Variants in TAFA1 observed in about 807,000 individuals in gnomAD.
TAFA1 encodes TAFA chemokine like family member 1, also known as chemokine-like protein TAFA-1.
TAFA1 carries 4 observed loss-of-function variants against 18.5 expected under a neutral mutation model. That is an observed-to-expected ratio of 0.22 (90% CI 0.11 to 0.49). The LOEUF is 0.49. TAFA1 is among the 20% of genes least tolerant of loss of function. The probability of loss-of-function intolerance (pLI) is 0.98; values close to 1 mark genes in which losing one functional copy is unlikely to be tolerated. For missense variants in TAFA1, 147 were observed against 169.0 expected (o/e 0.87, Z 0.72); for synonymous variants, 56 against 55.2 (o/e 1.01, Z -0.06).
At chr3:68,300,975 T>C (rs985472587) in intron 2 of TAFA1, among the ~76,000 whole-genome samples, 5 of 152,110 alleles carry the variant, frequency 3.3e-5, no homozygotes, top group African/African-American at 7.2e-5. Flanking sequence ...TAGTTCTTAA[T>C]AGCAATATGA....
chr3:68,270,523 T>G (rs2067645118), intron 2 of TAFA1, among the ~76,000 whole-genome samples: 1 of 152,186 alleles, frequency 6.6e-6, no homozygotes, highest in South Asian at 2.1e-4. Context: ...GATTCCCCTG[T>G]CAGGGAAATC....
chr3:68,532,859 A>T (rs2106777888), intron 3 of TAFA1, among the ~76,000 whole-genome samples: 1 of 149,210 alleles, frequency 6.7e-6, no homozygotes, highest in African/African-American at 2.5e-5. Context: ...TTATGTTTAG[A>T]GAATGTAGCT....
chr3:68,502,688 A>G (rs971038273), intron 3 of TAFA1, among the ~76,000 whole-genome samples: 13 of 151,932 alleles, frequency 8.6e-5, no homozygotes, highest in Non-Finnish European at 1.8e-4. Flanking sequence ...GATCTGCCAC[A>G]TTCACCTTCA....
intron 2 of TAFA1, among the ~76,000 whole-genome samples, chr3:68,315,854 T>C (rs2068597115): frequency 6.6e-6 from 1 of 152,204 alleles, no homozygotes; most frequent in Admixed American, 6.5e-5. Flanking sequence ...AGATTTCATG[T>C]TTGTGAACTG....
At chr3:68,344,788 T>C (rs1318134151) in intron 2 of TAFA1, among the ~76,000 whole-genome samples, 2 of 152,150 alleles carry the variant, frequency 1.3e-5, no homozygotes, top group Non-Finnish European at 2.9e-5. Context: ...TGTGTCATTG[T>C]TTTTATTCTC....
chr3:68,149,147 G>A (rs539796099), intron 2 of TAFA1, among the ~76,000 whole-genome samples: 16 of 152,186 alleles, frequency 1.1e-4, no homozygotes, highest in Non-Finnish European at 2.1e-4. Context: ...CCAACTTATG[G>A]TTAAGAAAAC....
intron 2 of TAFA1, among the ~76,000 whole-genome samples, chr3:68,254,005 A>G (rs78823935): frequency 6.6e-6 from 1 of 152,082 alleles, no homozygotes; most frequent in Admixed American, 6.6e-5. Context: ...AAAAATGACT[A>G]CAGCATTAGT....
intron 2 of TAFA1, among the ~76,000 whole-genome samples, chr3:68,254,873 A>T (rs2067268673): frequency 6.6e-6 from 1 of 152,142 alleles, no homozygotes; most frequent in Non-Finnish European, 1.5e-5. Flanking sequence ...CAGTAAGCCA[A>T]ACCCACAGTG....
intron 2 of TAFA1, among the ~76,000 whole-genome samples, chr3:68,373,523 G>T (rs1017540804): frequency 6.6e-6 from 1 of 152,144 alleles, no homozygotes; most frequent in African/African-American, 2.4e-5. Context: ...CTTAAATCCA[G>T]GTTATCTGCT....
chr3:68,461,357 G>C (rs1575888332), intron 3 of TAFA1, among the ~76,000 whole-genome samples: 2 of 50,350 alleles, frequency 4.0e-5, no homozygotes, highest in Non-Finnish European at 6.8e-5. Context: ...GCCAATGAAA[G>C]TGCATATATA....
chr3:68,033,661 T>C (rs1171461099), intron 2 of TAFA1, among the ~76,000 whole-genome samples: 1 of 152,160 alleles, frequency 6.6e-6, no homozygotes, highest in Non-Finnish European at 1.5e-5. Flanking sequence ...TATTAAGGAA[T>C]GGATGGAATG....
chr3:68,381,455 GT>G (rs1351658956), intron 2 of TAFA1, among the ~76,000 whole-genome samples: 4 of 152,036 alleles, frequency 2.6e-5, no homozygotes, highest in Non-Finnish European at 5.9e-5. Flanking sequence ...TTGAGCAGTG[GT>G]TTGTAGTTCT....
chr3:68,291,681 T>C (rs1195592195), intron 2 of TAFA1, among the ~76,000 whole-genome samples: 1 of 146,704 alleles, frequency 6.8e-6, no homozygotes, highest in Admixed American at 6.8e-5. Flanking sequence ...ACATAGAATG[T>C]TCATTCCCCA....
chr3:68,478,038 A>C (rs1189337955), intron 3 of TAFA1, among the ~76,000 whole-genome samples: 1 of 152,208 alleles, frequency 6.6e-6, no homozygotes. Context: ...AGTGTTTTAA[A>C]TCATGGGGTG....
chr3:68,459,828 CAT>C (rs2071742465), intron 3 of TAFA1, among the ~76,000 whole-genome samples: 1 of 152,194 alleles, frequency 6.6e-6, no homozygotes, highest in African/African-American at 2.4e-5. Context: ...GTAAACTTCT[CAT>C]GTGTAATCAG....
chr3:68,355,776 T>TA (rs1283886198), intron 2 of TAFA1, among the ~76,000 whole-genome samples: 2 of 151,898 alleles, frequency 1.3e-5, no homozygotes. Flanking sequence ...AGGCTTTTCT[T>TA]ATGTTCAAAG....
At chr3:68,092,887 C>T (rs1174041704) in intron 2 of TAFA1, among the ~76,000 whole-genome samples, 1 of 152,116 alleles carries the variant, frequency 6.6e-6, no homozygotes, top group Non-Finnish European at 1.5e-5. Flanking sequence ...CACACTACAA[C>T]TCCGTTAGCT....
intron 2 of TAFA1, among the ~76,000 whole-genome samples, chr3:68,244,660 G>A (rs2067042931): frequency 6.6e-6 from 1 of 152,074 alleles, no homozygotes; most frequent in African/African-American, 2.4e-5. Flanking sequence ...ATAGATGTGA[G>A]CCACTCTCCC....
intron 3 of TAFA1, among the ~76,000 whole-genome samples, chr3:68,471,795 C>T (rs145028839): frequency 2.6e-5 from 4 of 152,270 alleles, no homozygotes; most frequent in Non-Finnish European, 4.4e-5. Flanking sequence ...TCAATCCTAT[C>T]AAGTTGACAT....
Sources: gnomAD v4.1 joint callset for allele counts (sites outside exome capture counted in the v4.1 genomes callset) on GRCh38, gnomAD v4.1.1 for gene constraint, MANE v1.5 for transcripts, NCBI Gene and HGNC (gene_info 2026-07-23, HGNC 2026-07-21) for gene names.